The following SYNPR variants were observed in gnomAD, a reference collection of about 807,000 sequenced individuals.
SYNPR encodes synaptoporin.
SYNPR carries 23 observed loss-of-function variants against 32.9 expected under a neutral mutation model. The observed-to-expected ratio is 0.70, with a 90% CI of 0.50 to 0.99. SYNPR has a LOEUF of 0.99. Among genes scored for constraint, SYNPR ranks in the 50% least tolerant of loss-of-function variants. The pLI is 0.00. For missense variants in SYNPR, 318 were observed against 349.3 expected (o/e 0.91, Z 0.71); for synonymous variants, 146 against 135.9 (o/e 1.07, Z -0.52).
chr3:63,312,131 A>G (rs1017079207), intron 2 of SYNPR, among the ~76,000 whole-genome samples: 8 of 152,068 alleles, frequency 5.3e-5, no homozygotes, highest in African/African-American at 1.9e-4. Flanking sequence ...ATAATAAATA[A>G]TTCTAACAAC....
chr3:63,513,896 C>T (rs1012926793), intron 3 of SYNPR, among the ~76,000 whole-genome samples: 5 of 152,100 alleles, frequency 3.3e-5, no homozygotes, highest in South Asian at 2.1e-4. Context: ...CCCAGGAGGG[C>T]ATCTTGCTAA....
intron 2 of SYNPR, among the ~76,000 whole-genome samples, chr3:63,289,071 A>G (rs1171790542): frequency 1.3e-5 from 2 of 152,190 alleles, no homozygotes; most frequent in Non-Finnish European, 2.9e-5. Context: ...GTAAGATAAT[A>G]TTAGTAAAAC....
At chr3:63,230,842 T>C (rs1183654011) in intron 1 of SYNPR, among the ~76,000 whole-genome samples, 1 of 152,148 alleles carries the variant, frequency 6.6e-6, no homozygotes, top group African/African-American at 2.4e-5. Flanking sequence ...GATTGGCAAA[T>C]TTAGTGACTA....
rs1055185192 is a variant in SYNPR at position 63,394,969 on chromosome 3, G to A, written c.85-85863G>A. On this transcript the variant is annotated intron_variant, in intron 2 of 5. Coordinates refer to ENST00000478300, the MANE Select transcript of SYNPR (RefSeq NM_001130003.2). ...ATAAACAGATACATCCATCAAAATA[G>A]ACTTATTATGCATCTACTAATATAT... is the stretch of plus-strand genomic sequence containing the variant. 3.9e-5 allele frequency among the ~76,000 whole-genome samples: 6 copies of A among 152,028 alleles called. 1 individual carries two copies. Among genetic ancestry groups the A allele is most frequent in the Non-Finnish European group, 8.8e-5 (6 of 67,992 alleles).
chr3:63,468,571 C>T (rs759292945), intron 2 of SYNPR, among the ~76,000 whole-genome samples: 7 of 151,862 alleles, frequency 4.6e-5, no homozygotes, highest in South Asian at 2.1e-4. Flanking sequence ...TATGGGAGGC[C>T]GAGGCAGGCG....
At chr3:63,374,978 T>C (rs2087869154) in intron 2 of SYNPR, among the ~76,000 whole-genome samples, 1 of 152,182 alleles carries the variant, frequency 6.6e-6, no homozygotes, top group Admixed American at 6.5e-5. Context: ...GCTGTTTTGG[T>C]TATCACTGGT....
intron 2 of SYNPR, among the ~76,000 whole-genome samples, chr3:63,413,521 A>G (rs996827328): frequency 5.9e-5 from 9 of 152,248 alleles, no homozygotes; most frequent in Non-Finnish European, 8.8e-5. Flanking sequence ...TCTGCTAGTT[A>G]GACAAAAGCT....
intron 2 of SYNPR, among the ~76,000 whole-genome samples, chr3:63,379,115 T>C (rs1036886725): frequency 1.3e-5 from 2 of 152,180 alleles, no homozygotes; most frequent in South Asian, 4.1e-4. Flanking sequence ...GGAAGTTTTA[T>C]GTTACATTTC....
intron 2 of SYNPR, among the ~76,000 whole-genome samples, chr3:63,403,465 C>T (rs2088319764): frequency 6.6e-6 from 1 of 151,652 alleles, no homozygotes; most frequent in Admixed American, 6.6e-5. Flanking sequence ...CACACACACA[C>T]ACACATAGAG....
intron 4 of SYNPR, among the ~76,000 whole-genome samples, chr3:63,580,224 T>C (rs1347674146): frequency 1.3e-5 from 2 of 152,294 alleles, no homozygotes; most frequent in South Asian, 2.1e-4. Context: ...AAATGTATGT[T>C]TATTGATAAT....
At chr3:63,505,979 T>C (rs1701579346) in intron 3 of SYNPR, among the ~76,000 whole-genome samples, 1 of 152,174 alleles carries the variant, frequency 6.6e-6, no homozygotes, top group Admixed American at 6.5e-5. Context: ...GATAAATAGC[T>C]CTGTCTGTTG....
At chr3:63,479,915 T>C (rs1329160103) in intron 2 of SYNPR, among the ~76,000 whole-genome samples, 1 of 152,180 alleles carries the variant, frequency 6.6e-6, no homozygotes, top group Non-Finnish European at 1.5e-5. Context: ...CCCAAACTAT[T>C]GTAAGAAGCT....
chr3:63,326,590 C>A (rs1234925557), intron 2 of SYNPR, among the ~76,000 whole-genome samples: 1 of 152,138 alleles, frequency 6.6e-6, no homozygotes, highest in African/African-American at 2.4e-5. Flanking sequence ...TTTGTTCATT[C>A]CAGATCACTG....
In SYNPR at chr3:63,280,548, A is replaced by T. The variant is rs1243437214; in HGVS notation, c.84+1806A>T. Among the ~76,000 whole-genome samples, 3 of 151,900 alleles carry T rather than the reference A, an allele frequency of 2.0e-5. No homozygotes were observed. The East Asian group carries it at 5.8e-4, about 29-fold the overall frequency. ...AAAAAAATGTTTGTTTTTTACCTCA[A>T]CTAAATGTTACCTCCTCAATGAAGA... On this transcript the variant is annotated intron_variant, in intron 2 of 5. Coordinates refer to ENST00000478300, the MANE Select transcript of SYNPR (RefSeq NM_001130003.2).
chr3:63,455,558 A>C (rs895314951), intron 2 of SYNPR, among the ~76,000 whole-genome samples: 1 of 152,146 alleles, frequency 6.6e-6, no homozygotes, highest in Non-Finnish European at 1.5e-5. Flanking sequence ...GCCATCCTTG[A>C]TAGTGATACA....
At chr3:63,256,434 C>G (rs1320732861) in intron 2 of SYNPR, among the ~76,000 whole-genome samples, 1 of 152,216 alleles carries the variant, frequency 6.6e-6, no homozygotes, top group Non-Finnish European at 1.5e-5. Context: ...TCTGCAGCCT[C>G]TGCTGCTGAT....
At chr3:63,438,234 A>G (rs1174073635) in intron 2 of SYNPR, among the ~76,000 whole-genome samples, 1 of 152,164 alleles carries the variant, frequency 6.6e-6, no homozygotes, top group Non-Finnish European at 1.5e-5. Context: ...TCTCCCAAGC[A>G]TGACTACATT....
intron 2 of SYNPR, among the ~76,000 whole-genome samples, chr3:63,345,466 G>A (rs978704531): frequency 2.0e-5 from 3 of 152,188 alleles, no homozygotes; most frequent in Admixed American, 1.3e-4. Flanking sequence ...TCGGGCTGCA[G>A]AAGAGAAGAA....
chr3:63,254,627 T>C (rs914793722), intron 2 of SYNPR, among the ~76,000 whole-genome samples: 1 of 152,078 alleles, frequency 6.6e-6, no homozygotes, highest in Non-Finnish European at 1.5e-5. Context: ...AATTTTTTAT[T>C]GTGTATATGA....
Sources: gnomAD v4.1 joint callset for allele counts (sites outside exome capture counted in the v4.1 genomes callset) on GRCh38, gnomAD v4.1.1 for gene constraint, MANE v1.5 for transcripts, NCBI Gene and HGNC (gene_info 2026-07-23, HGNC 2026-07-21) for gene names.